The following SDHAF2 variants were observed in gnomAD, a reference collection of about 807,000 sequenced individuals.
The protein encoded by SDHAF2 is succinate dehydrogenase assembly factor 2, mitochondrial.
SDHAF2 carries 21 observed loss-of-function variants against 18.5 expected under a neutral mutation model. That is an observed-to-expected ratio of 1.13 (90% confidence interval 0.80 to 1.63). The LOEUF is 1.63. SDHAF2 is among the 40% of genes most tolerant of loss of function. SDHAF2 has a pLI of 0.00. For missense variants in SDHAF2, 195 were observed against 200.3 expected (o/e 0.97, Z 0.16); for synonymous variants, 84 against 70.7 (o/e 1.19, Z -0.94).
intron 1 of SDHAF2, chr11:61,435,483 A>T (rs1230180637): frequency 6.6e-6 from 1 of 152,096 alleles, no homozygotes; most frequent in Non-Finnish European, 1.5e-5. Flanking sequence ...GGTGATTTCT[A>T]CATTTGAAAA....
chr11:61,442,213 T>C (rs1000168461), intron 3 of SDHAF2, among the ~76,000 whole-genome samples: 1 of 152,162 alleles, frequency 6.6e-6, no homozygotes, highest in African/African-American at 2.4e-5. Context: ...TTTTGGAAGA[T>C]ACTTTCACTG....
intron 3 of SDHAF2, 150 bp downstream of exon 3, chr11:61,438,263 G>A: frequency 1.4e-6 from 1 of 692,504 alleles, no homozygotes; most frequent in Non-Finnish European, 2.6e-6. Context: ...GCAATGGCAT[G>A]ATCTCGGCTC....
intron 1 of SDHAF2, chr11:61,435,339 A>G (rs1234453067): frequency 6.6e-6 from 1 of 152,158 alleles, no homozygotes; most frequent in African/African-American, 2.4e-5. Context: ...GAACATCTTT[A>G]TTATGGCTAG....
chr11:61,446,111 A>T lies in SDHAF2; in HGVS notation c.*40A>T. 2 of 1,613,194 alleles carry T rather than the reference A, an allele frequency of 1.2e-6. No homozygotes were observed. Among genetic ancestry groups the T allele is most frequent in the Non-Finnish European group, 8.5e-7 (1 of 1,179,354 alleles). On this transcript the variant is annotated 3_prime_UTR_variant, in exon 4 of 4. Coordinates refer to ENST00000301761, the MANE Select transcript of SDHAF2 (RefSeq NM_017841.4). ...CCTGGCATGGGGGTTCAGTCTGTGGATGGTAACTACTTATGATGGACGTTA... is the reference window on the plus strand; with the variant it reads ...CCTGGCATGGGGGTTCAGTCTGTGGTTGGTAACTACTTATGATGGACGTTA...
chr11:61,430,692 C>CT (rs1314348753), intron 1 of SDHAF2: 1 of 167,880 alleles, frequency 6.0e-6, no homozygotes, highest in African/African-American at 2.4e-5. Flanking sequence ...TTTTCAAGAT[C>CT]TTTTTCTAGC....
At chr11:61,433,501 C>T (rs1433770519) in intron 1 of SDHAF2, 1 of 152,170 alleles carries the variant, frequency 6.6e-6, no homozygotes, top group Non-Finnish European at 1.5e-5. Context: ...AGAACAATTT[C>T]CTTGTACTGA....
At chr11:61,442,975 G>A (rs1256428541) in intron 3 of SDHAF2, among the ~76,000 whole-genome samples, 1 of 152,186 alleles carries the variant, frequency 6.6e-6, no homozygotes, top group Admixed American at 6.5e-5. Flanking sequence ...GGCTGGGCTT[G>A]AACTCCTGGC....
rs1011364136 is a variant in SDHAF2, at chr11:61,430,341, G to T, written c.36+159G>T. The T allele has an allele frequency of 3.5e-6, 3 of 847,426 alleles. No homozygotes were observed. The African/African-American group carries it at 5.0e-5, about 14-fold the overall frequency. The allele number at this position is 847,426 out of a possible 1,614,324, so 52.5% of individuals were successfully genotyped here. ...CCGATCCTGCAACTCAGGAAATAAAGGTCGCTTCCATTCTTTGGTGAGCCT... is the reference window on the plus strand; with the variant it reads ...CCGATCCTGCAACTCAGGAAATAAATGTCGCTTCCATTCTTTGGTGAGCCT... On this transcript the variant is annotated intron_variant, in intron 1 of 3. Coordinates refer to ENST00000301761, the MANE Select transcript of SDHAF2 (RefSeq NM_017841.4).
intron 1 of SDHAF2, chr11:61,431,939 C>G (rs1379658950): frequency 6.6e-6 from 1 of 152,342 alleles, no homozygotes; most frequent in Admixed American, 6.5e-5. Flanking sequence ...ATCTGCCCGC[C>G]TCAGCCTCCC....
At chr11:61,437,972 CCT>C (rs536680634) in intron 2 of SDHAF2, 30 bp from the exon 3 acceptor site, 6 of 1,601,344 alleles carry the variant, frequency 3.7e-6, no homozygotes, top group African/African-American at 1.3e-5. Context: ...GCCTTCTCAA[CCT>C]CTTTTTCTTT....
intron 1 of SDHAF2, chr11:61,432,845 G>A (rs1325814909): frequency 6.6e-6 from 1 of 151,946 alleles, no homozygotes; most frequent in Non-Finnish European, 1.5e-5. Flanking sequence ...CAAAAACTCT[G>A]CTCTTTTATG....
chr11:61,445,802 C>T (rs745612355), intron 3 of SDHAF2, 139 bp from the exon 4 acceptor site: 3 of 1,035,344 alleles, frequency 2.9e-6, no homozygotes, highest in East Asian at 2.4e-5. Context: ...AGGCTAACAT[C>T]GTGTATATTT....
intron 3 of SDHAF2, chr11:61,438,451 G>A (rs1862024542): frequency 2.8e-6 from 1 of 360,058 alleles, no homozygotes; most frequent in Non-Finnish European, 5.0e-6. Context: ...CGCCCGCCTC[G>A]GCCTCCCAAA....
intron 1 of SDHAF2, 33 bp downstream of exon 1, chr11:61,430,215 G>T: frequency 6.2e-7 from 1 of 1,613,726 alleles, no homozygotes; most frequent in Non-Finnish European, 8.5e-7. Context: ...CGTCCGGGGC[G>T]GGCGGCAGCG....
intron 3 of SDHAF2, among the ~76,000 whole-genome samples, chr11:61,439,816 A>G (rs1862041137): frequency 6.6e-6 from 1 of 152,168 alleles, no homozygotes; most frequent in African/African-American, 2.4e-5. Flanking sequence ...CATTGTGTGG[A>G]TGTACCATGG....
rs879647 is a variant in SDHAF2, at chr11:61,437,962, G to A, written c.261-42G>A. On this transcript the variant is annotated intron_variant, in intron 2 of 3. Coordinates refer to ENST00000301761, the MANE Select transcript of SDHAF2 (RefSeq NM_017841.4). ...TGTCACTTCTCTTTTATTAGACACA[G>A]CCTTCTCAACCTCTTTTTCTTTTTT... The A allele has an allele frequency of 0.83, 1,315,639 of 1,591,444 alleles. 553,713 individuals carry two copies. Among genetic ancestry groups the A allele is most frequent in the East Asian group, 0.97 (43,461 of 44,774 alleles).
rs1289779957 is a variant in SDHAF2, at chr11:61,438,028, G to A, written c.285G>A (p.Gln95=). The A allele has an allele frequency of 2.5e-6, 4 of 1,613,830 alleles. No individual in the cohort carries two copies. Among genetic ancestry groups the A allele is most frequent in the South Asian group, 1.1e-5 (1 of 91,060 alleles). The change falls in exon 3 of 4, where the codon CAG becomes CAA. Residue 95 remains glutamine (Q), a synonymous_variant. Coordinates refer to ENST00000301761, the MANE Select transcript of SDHAF2 (RefSeq NM_017841.4). ...GTCTTTTTGCTAAAGAACATCTGCA[G>A]CACATGACAGAAAAGCAGCTGAACC... The part of the protein sequence containing the change: ...LLSLFAKEHL[Q]HMTEKQLNLY...
chr11:61,437,124 T>C (rs529317920), intron 1 of SDHAF2, among the ~76,000 whole-genome samples: 1 of 152,228 alleles, frequency 6.6e-6, no homozygotes, highest in Non-Finnish European at 1.5e-5. Context: ...TGGATGATTT[T>C]GGGTGAGTTA....
chr11:61,444,599 C>G (rs1385303979), intron 3 of SDHAF2, among the ~76,000 whole-genome samples: 3 of 151,954 alleles, frequency 2.0e-5, no homozygotes, highest in African/African-American at 7.2e-5. Flanking sequence ...AAAAATCAGC[C>G]GAGCGTGGTG....
Sources: allele counts gnomAD v4.1 joint callset (sites outside exome capture counted in the v4.1 genomes callset), GRCh38; gene constraint gnomAD v4.1.1; transcripts MANE v1.5; gene names NCBI Gene and HGNC (gene_info 2026-07-23, HGNC 2026-07-21).